CDKAL1: variants seen among roughly 807,000 people sequenced by gnomAD.
CDKAL1 encodes CDKAL1 threonylcarbamoyladenosine tRNA methylthiotransferase, also known as threonylcarbamoyladenosine tRNA methylthiotransferase.
CDKAL1 carries 32 observed loss-of-function variants against 68.2 expected under a neutral mutation model. That is an observed-to-expected ratio of 0.47 (90% CI 0.35 to 0.63). CDKAL1 has a LOEUF of 0.63. CDKAL1 is among the 30% of genes least tolerant of loss of function. The pLI is 0.00. For synonymous variants in CDKAL1, 234 were observed against 244.3 expected, an observed-to-expected ratio of 0.96 and a Z score of 0.39; for missense variants, 606 against 696.7, an observed-to-expected ratio of 0.87 and a Z score of 1.47.
At chr6:21,058,572 T>C (rs1341857498) in intron 11 of CDKAL1, among the ~76,000 whole-genome samples, 1 of 152,258 alleles carries the variant, frequency 6.6e-6, no homozygotes, top group Non-Finnish European at 1.5e-5. Context: ...TAACTAGTTA[T>C]TTTGCAGACT....
At chr6:21,037,696 T>C (rs1769668164) in intron 11 of CDKAL1, among the ~76,000 whole-genome samples, 1 of 152,194 alleles carries the variant, frequency 6.6e-6, no homozygotes, top group African/African-American at 2.4e-5. Flanking sequence ...TAACTAGCCA[T>C]GTGTAGCTAC....
chr6:20,540,703 G>A (rs1310052302), intron 2 of CDKAL1, among the ~76,000 whole-genome samples: 5 of 151,970 alleles, frequency 3.3e-5, no homozygotes, highest in Admixed American at 3.3e-4. Context: ...TGATCCATCC[G>A]CCTCAGCCTC....
intron 9 of CDKAL1, among the ~76,000 whole-genome samples, chr6:20,884,399 G>T (rs149981929): frequency 7.2e-5 from 11 of 152,338 alleles, no homozygotes; most frequent in Non-Finnish European, 1.3e-4. Context: ...TTAGCATCAT[G>T]CTCATTGGTG....
At chr6:20,895,078 G>A (rs2150585523) in intron 9 of CDKAL1, among the ~76,000 whole-genome samples, 1 of 152,190 alleles carries the variant, frequency 6.6e-6, no homozygotes, top group South Asian at 2.1e-4. Context: ...TTTTCTCTAT[G>A]TGTATGTTTT....
At chr6:21,173,886 A>G (rs540293332) in intron 13 of CDKAL1, among the ~76,000 whole-genome samples, 2 of 152,298 alleles carry the variant, frequency 1.3e-5, no homozygotes, top group Admixed American at 1.3e-4. Flanking sequence ...CCTGGGCAAC[A>G]TAGTGAGACC....
At chr6:21,130,327 C>A (rs150180517) in intron 13 of CDKAL1, among the ~76,000 whole-genome samples, 1 of 150,174 alleles carries the variant, frequency 6.7e-6, no homozygotes, top group Non-Finnish European at 1.5e-5. Flanking sequence ...TGGATTCGAG[C>A]GATTATCCTG....
intron 15 of CDKAL1, among the ~76,000 whole-genome samples, chr6:21,202,268 G>A (rs1194612938): frequency 2.0e-5 from 3 of 152,094 alleles, no homozygotes; most frequent in African/African-American, 7.2e-5. Context: ...CTGCGTGCAT[G>A]GCCGTCTAAC....
intron 9 of CDKAL1, among the ~76,000 whole-genome samples, chr6:20,851,057 A>G (rs1758984704): frequency 2.0e-5 from 3 of 151,212 alleles, no homozygotes; most frequent in South Asian, 2.1e-4. Context: ...ATAATTGACT[A>G]TCTTTACCTT....
At chr6:21,013,923 G>A (rs1022722293) in intron 11 of CDKAL1, among the ~76,000 whole-genome samples, 1 of 152,202 alleles carries the variant, frequency 6.6e-6, no homozygotes, top group Non-Finnish European at 1.5e-5. Context: ...AGATGCTTAA[G>A]ATGTAGCAAT....
At chr6:20,540,094 G>A (rs1167563734) in intron 2 of CDKAL1, among the ~76,000 whole-genome samples, 1 of 85,372 alleles carries the variant, frequency 1.2e-5, no homozygotes, top group Non-Finnish European at 2.3e-5. Context: ...TTTTTTTTGA[G>A]ACAGAGTCTC....
At chr6:20,774,222 T>G (rs1032104217) in intron 7 of CDKAL1, among the ~76,000 whole-genome samples, 1 of 151,996 alleles carries the variant, frequency 6.6e-6, no homozygotes, top group African/African-American at 2.4e-5. Context: ...AGGGAAAAAA[T>G]AAACAATAGG....
At chr6:20,754,099 C>T (rs2150343103) in intron 6 of CDKAL1, among the ~76,000 whole-genome samples, 1 of 152,154 alleles carries the variant, frequency 6.6e-6, no homozygotes, top group East Asian at 1.9e-4. Flanking sequence ...TCCCCCTTAG[C>T]CTCTCAAGTA....
chr6:21,073,147 C>T (rs11968037), intron 12 of CDKAL1, among the ~76,000 whole-genome samples: 3,187 of 152,174 alleles, frequency 0.021, 126 homozygotes, highest in African/African-American at 0.072. Flanking sequence ...AATCTTTTCA[C>T]GGCCTGATAG....
At chr6:21,096,676 CATT>C (rs1401701482) in intron 12 of CDKAL1, among the ~76,000 whole-genome samples, 10 of 151,998 alleles carry the variant, frequency 6.6e-5, no homozygotes, top group Admixed American at 5.2e-4. Flanking sequence ...AGGTATCAGG[CATT>C]ATTATTAAGC....
At chr6:20,955,388 A>G in intron 9 of CDKAL1, 31 bp from the exon 10 acceptor site, 1 of 1,611,356 alleles carries the variant, frequency 6.2e-7, no homozygotes, top group African/African-American at 1.3e-5. Context: ...GCTCTGCCAC[A>G]GATTTGTTAA....
chr6:20,868,687 T>C (rs532196799), intron 9 of CDKAL1, among the ~76,000 whole-genome samples: 1 of 152,352 alleles, frequency 6.6e-6, no homozygotes, highest in African/African-American at 2.4e-5. Flanking sequence ...TTCTTGTTAG[T>C]GCCATTGTTA....
chr6:21,155,466 T>A (rs1309307076), intron 13 of CDKAL1, among the ~76,000 whole-genome samples: 1 of 152,106 alleles, frequency 6.6e-6, no homozygotes, highest in Admixed American at 6.5e-5. Flanking sequence ...GGGAAGGAAT[T>A]TGATTTGAGG....
intron 15 of CDKAL1, among the ~76,000 whole-genome samples, chr6:21,212,791 G>A (rs1779201356): frequency 6.6e-6 from 1 of 152,026 alleles, no homozygotes; most frequent in Non-Finnish European, 1.5e-5. Flanking sequence ...AAAGGGCTTT[G>A]GGGAAACAAA....
intron 12 of CDKAL1, among the ~76,000 whole-genome samples, chr6:21,067,634 G>A (rs1771531140): frequency 6.6e-6 from 1 of 152,088 alleles, no homozygotes; most frequent in Non-Finnish European, 1.5e-5. Flanking sequence ...CCCAATATTA[G>A]TATTGCAGCA....
Sources: gnomAD v4.1 joint callset for allele counts (sites outside exome capture counted in the v4.1 genomes callset) on GRCh38, gnomAD v4.1.1 for gene constraint, MANE v1.5 for transcripts, NCBI Gene and HGNC (gene_info 2026-07-23, HGNC 2026-07-21) for gene names.